The following MBD5 variants were observed in gnomAD, a reference collection of about 807,000 sequenced individuals.
MBD5 encodes the protein methyl-CpG-binding domain protein 5.
MBD5 carries 13 observed loss-of-function variants against 117.3 expected under a neutral mutation model. The observed-to-expected ratio is 0.11, with a 90% CI of 0.07 to 0.18. The LOEUF is 0.18. Among genes scored for constraint, MBD5 ranks in the 10% least tolerant of loss-of-function variants. MBD5 has a pLI of 1.00. For missense variants in MBD5, 1,879 were observed against 2,093.8 expected (o/e 0.90, Z 2.00); for synonymous variants, 727 against 766.4 (o/e 0.95, Z 0.85).
At chr2:148,451,355 A>G (rs1197759414) in intron 4 of MBD5, among the ~76,000 whole-genome samples, 1 of 152,172 alleles carries the variant, frequency 6.6e-6, no homozygotes, top group Admixed American at 6.6e-5. Flanking sequence ...AAAATATGAA[A>G]AAAGATATAA....
chr2:148,506,857 G>A (rs537134157), intron 12 of MBD5, among the ~76,000 whole-genome samples: 116 of 152,248 alleles, frequency 7.6e-4, no homozygotes, highest in Middle Eastern at 6.8e-3. Context: ...GAGGCCCTCT[G>A]GACTGAAAGA....
At chr2:148,184,158 C>A (rs1698596062) in intron 2 of MBD5, among the ~76,000 whole-genome samples, 1 of 151,848 alleles carries the variant, frequency 6.6e-6, no homozygotes, top group South Asian at 2.1e-4. Context: ...ACTGCAGACA[C>A]ATGCCACCAC....
At chr2:148,380,731 G>A (rs868682247) in intron 4 of MBD5, among the ~76,000 whole-genome samples, 30 of 152,258 alleles carry the variant, frequency 2.0e-4, no homozygotes, top group Middle Eastern at 3.4e-3. Flanking sequence ...AGTAGGGGCG[G>A]ACTGACACCT....
In MBD5 at chr2:148,489,141, G is replaced by A. The variant is rs577573716; in HGVS notation, c.3754-245G>A. On this transcript the variant is annotated intron_variant, in intron 10 of 13. Coordinates refer to ENST00000642680, the MANE Select transcript of MBD5 (RefSeq NM_001378120.1). Reference sequence around the variant, plus strand: ...GTTTAATTTTTCTAGAGAATGTTTCGCAGTGATGATTTTTAAAAATCTGTT... The same window carrying A: ...GTTTAATTTTTCTAGAGAATGTTTCACAGTGATGATTTTTAAAAATCTGTT... Among the ~76,000 whole-genome samples the A allele has an allele frequency of 2.6e-3, 402 of 152,196 alleles. 1 individual carries two copies. Among genetic ancestry groups the A allele is most frequent in the African/African-American group, 9.2e-3 (383 of 41,520 alleles).
At chr2:148,258,450 T>C (rs76370632) in intron 3 of MBD5, among the ~76,000 whole-genome samples, 19,202 of 152,182 alleles carry the variant, frequency 0.13, 1,470 homozygotes, top group Non-Finnish European at 0.18. Flanking sequence ...TGCCAGCACC[T>C]GCACCCACCG....
intron 2 of MBD5, among the ~76,000 whole-genome samples, chr2:148,181,950 C>A (rs539012275): frequency 3.3e-5 from 5 of 151,818 alleles, no homozygotes; most frequent in Admixed American, 6.6e-5. Context: ...ACAGATTGTT[C>A]TTTTTTTTGA....
intron 3 of MBD5, chr2:148,260,699 G>C (rs1294559379): frequency 4.9e-6 from 1 of 204,004 alleles, no homozygotes; most frequent in African/African-American, 2.3e-5. Flanking sequence ...CTCTACCCAG[G>C]TCAGAGATAA....
At chr2:148,027,767 C>T (rs988796904) in intron 1 of MBD5, 5 of 152,090 alleles carry the variant, frequency 3.3e-5, no homozygotes, top group Admixed American at 3.3e-4. Context: ...TATGCCAGTA[C>T]ATAATGACCT....
At chr2:148,381,944 A>T (rs1704158935) in intron 4 of MBD5, among the ~76,000 whole-genome samples, 1 of 152,214 alleles carries the variant, frequency 6.6e-6, no homozygotes, top group Non-Finnish European at 1.5e-5. Context: ...GCCCTAAAAG[A>T]GCTCCTGAAG....
intron 3 of MBD5, among the ~76,000 whole-genome samples, chr2:148,303,553 A>C (rs1285770278): frequency 6.6e-6 from 1 of 152,202 alleles, no homozygotes; most frequent in Non-Finnish European, 1.5e-5. Flanking sequence ...AGTTATTTTA[A>C]CTGACAAAAA....
chr2:148,408,810 T>A (rs1314349356), intron 4 of MBD5, among the ~76,000 whole-genome samples: 1 of 151,814 alleles, frequency 6.6e-6, no homozygotes, highest in East Asian at 1.9e-4. Flanking sequence ...ACATATGTAC[T>A]GAACATGTAT....
intron 3 of MBD5, among the ~76,000 whole-genome samples, chr2:148,234,482 A>C (rs1199497773): frequency 6.6e-6 from 1 of 152,182 alleles, no homozygotes; most frequent in African/African-American, 2.4e-5. Context: ...ATCTAATTAC[A>C]TTCAATTTAT....
At chr2:148,273,162 A>G (rs1483629098) in intron 3 of MBD5, among the ~76,000 whole-genome samples, 1 of 152,196 alleles carries the variant, frequency 6.6e-6, no homozygotes, top group Non-Finnish European at 1.5e-5. Flanking sequence ...AGCTGACTCC[A>G]TCATGCTTCC....
intron 4 of MBD5, among the ~76,000 whole-genome samples, chr2:148,397,264 T>G (rs1438298430): frequency 6.6e-6 from 1 of 152,022 alleles, no homozygotes; most frequent in Non-Finnish European, 1.5e-5. Flanking sequence ...TTTGGCTTTA[T>G]TATTCTCTAG....
At chr2:148,480,455 G>A (rs1681114549) in intron 8 of MBD5, among the ~76,000 whole-genome samples, 1 of 152,096 alleles carries the variant, frequency 6.6e-6, no homozygotes, top group African/African-American at 2.4e-5. Context: ...TAGAGAAATT[G>A]TGATCTCTAC....
At position 148,342,309 on chromosome 2, in the gene MBD5, T is replaced by C. The variant is rs2105148993; in HGVS notation, c.-584T>C. ...ACTGCTGAGTCACACACAACGCTTG[T>C]TATGTTTTCATCACTTCTCTCCAGA... On this transcript the variant is annotated 5_prime_UTR_variant, in exon 4 of 14. Transcript: ENST00000642680. 6.6e-6 allele frequency: 1 copy of C among 152,154 alleles called. No individual in the cohort carries two copies. The highest frequency in any genetic ancestry group is 1.5e-5 in the Non-Finnish European group (1 of 67,962). 9.4% of individuals were successfully genotyped at this position (152,154 alleles called of 1,614,324 possible).
In MBD5 at chr2:148,058,360, G is replaced by A. The variant is rs147695693; in HGVS notation, c.-925+36676G>A. Among the ~76,000 whole-genome samples, 1,067 of 152,072 alleles carry A rather than the reference G, an allele frequency of 7.0e-3. 11 individuals carry two copies. Among genetic ancestry groups the A allele is most frequent in the South Asian group, 0.029 (138 of 4,818 alleles). ...ATTCCTTAGCTAGTAAGTGGGAAGA[G>A]CCAGAATTCAAACCTATCTCATCGC... On this transcript the variant is annotated intron_variant, in intron 1 of 13. Transcript: ENST00000642680.
chr2:148,347,487 A>T (rs1262763517), intron 4 of MBD5: 1 of 151,946 alleles, frequency 6.6e-6, no homozygotes. Flanking sequence ...AGCCTCCCTT[A>T]TGCCATCCTC....
At chr2:148,034,088 T>G (rs1252202836) in intron 1 of MBD5, among the ~76,000 whole-genome samples, 4 of 152,072 alleles carry the variant, frequency 2.6e-5, no homozygotes, top group Non-Finnish European at 5.9e-5. Context: ...CCAGGTCCTT[T>G]GGAGGCTGAG....
Sources: allele counts gnomAD v4.1 joint callset (sites outside exome capture counted in the v4.1 genomes callset), GRCh38; gene constraint gnomAD v4.1.1; transcripts MANE v1.5; gene names NCBI Gene and HGNC (gene_info 2026-07-23, HGNC 2026-07-21).